NALF1: variants seen among roughly 807,000 people sequenced by gnomAD.
NALF1 encodes the protein NALCN channel auxiliary factor 1.
In NALF1, 3 loss-of-function variants were observed where a neutral mutation model predicts 48.4. The observed-to-expected ratio is 0.06, with a 90% CI of 0.03 to 0.16. The LOEUF (loss-of-function observed/expected upper bound fraction) is 0.16, where lower values mean the gene tolerates loss of function less well. NALF1 is among the 10% of genes least tolerant of loss of function. The pLI is 1.00. For missense variants in NALF1, 526 were observed against 571.5 expected, an observed-to-expected ratio of 0.92 and a Z score of 0.81; for synonymous variants, 262 against 245.7, an observed-to-expected ratio of 1.07 and a Z score of -0.62.
intron 1 of NALF1, among the ~76,000 whole-genome samples, chr13:107,695,871 T>C (rs766566437): frequency 1.7e-4 from 25 of 151,270 alleles, no homozygotes; most frequent in Non-Finnish European, 2.9e-4. Flanking sequence ...TAATGGAGAA[T>C]ATGAGTTATG....
chr13:107,298,599 T>G (rs1300367459), intron 1 of NALF1, among the ~76,000 whole-genome samples: 2 of 151,540 alleles, frequency 1.3e-5, no homozygotes, highest in Non-Finnish European at 2.9e-5. Flanking sequence ...ACCTGGCTAG[T>G]TTTTGTATTT....
At chr13:107,859,914 CAAAAAAAAAA>C (rs778833499) in intron 1 of NALF1, among the ~76,000 whole-genome samples, 3 of 66,494 alleles carry the variant, frequency 4.5e-5, no homozygotes, top group Admixed American at 1.8e-4. Flanking sequence ...AACTCCAACT[CAAAAAAAAAA>C]AAAAAAAAAA....
intron 1 of NALF1, among the ~76,000 whole-genome samples, chr13:107,784,538 A>C (rs1052402260): frequency 2.6e-5 from 4 of 152,154 alleles, no homozygotes; most frequent in Non-Finnish European, 5.9e-5. Flanking sequence ...TTGCTCCAGT[A>C]GGAAAAAAAC....
chr13:107,420,020 G>GT (rs1481458344), intron 1 of NALF1, among the ~76,000 whole-genome samples: 1 of 152,086 alleles, frequency 6.6e-6, no homozygotes. Context: ...GTGACTCTGG[G>GT]TTTAAACTCC....
rs180846266 is a variant in NALF1, at chr13:107,333,276, C to G, written c.916-122521G>C. Among the ~76,000 whole-genome samples the G allele has an allele frequency of 2.9e-4, 44 of 152,316 alleles. 2 individuals are homozygous for G. In the East Asian group the frequency reaches 8.3e-3, roughly 29 times the overall value. On this transcript the variant is annotated intron_variant, in intron 1 of 2. Transcript: ENST00000375915. ...AAATGAAGCTTCTCTAACATACACT[C>G]TGTAAGCCACATCACAGAATTCTTG... is the stretch of plus-strand genomic sequence containing the variant.
At chr13:107,354,859 A>C (rs2138948571) in intron 1 of NALF1, among the ~76,000 whole-genome samples, 1 of 152,248 alleles carries the variant, frequency 6.6e-6, no homozygotes, top group Non-Finnish European at 1.5e-5. Flanking sequence ...CTGCAATGGC[A>C]TGAGGTCCAG....
At chr13:107,786,937 G>A (rs1878092955) in intron 1 of NALF1, among the ~76,000 whole-genome samples, 1 of 152,156 alleles carries the variant, frequency 6.6e-6, no homozygotes, top group Non-Finnish European at 1.5e-5. Context: ...ATCTAGTGGG[G>A]ACAATGGACG....
intron 1 of NALF1, among the ~76,000 whole-genome samples, chr13:107,640,757 C>T (rs1156984980): frequency 6.6e-6 from 1 of 152,168 alleles, no homozygotes; most frequent in East Asian, 1.9e-4. Flanking sequence ...TTATATCACT[C>T]TGTGTGAGAC....
At chr13:107,835,266 CAGA>C (rs1166706323) in intron 1 of NALF1, 1 of 152,178 alleles carries the variant, frequency 6.6e-6, no homozygotes, top group African/African-American at 2.4e-5. Flanking sequence ...CCTTAGATAC[CAGA>C]AGATTAAAAA....
At chr13:107,326,099 T>A (rs9514659) in intron 1 of NALF1, among the ~76,000 whole-genome samples, 119,103 of 150,702 alleles carry the variant, frequency 0.79, 47,368 homozygotes, top group Non-Finnish European at 0.85. Context: ...ACAATTTTTT[T>A]AAAAAAATCT....
At chr13:107,674,564 C>T (rs1053511860) in intron 1 of NALF1, among the ~76,000 whole-genome samples, 1 of 152,148 alleles carries the variant, frequency 6.6e-6, no homozygotes, top group Admixed American at 6.5e-5. Context: ...TGAGTCCATT[C>T]TACTTGCCAT....
At chr13:107,438,991 A>C (rs1224211133) in intron 1 of NALF1, among the ~76,000 whole-genome samples, 2 of 152,122 alleles carry the variant, frequency 1.3e-5, no homozygotes, top group Admixed American at 6.6e-5. Flanking sequence ...ATTTGAATTC[A>C]GAAATGTCAT....
chr13:107,689,864 A>G, intron 1 of NALF1, among the ~76,000 whole-genome samples: 1 of 152,228 alleles, frequency 6.6e-6, no homozygotes, highest in East Asian at 1.9e-4. Flanking sequence ...ATCAAAAGTA[A>G]CATCTCATAA....
chr13:107,565,576 C>G (rs1371968800), intron 1 of NALF1, among the ~76,000 whole-genome samples: 3 of 152,010 alleles, frequency 2.0e-5, no homozygotes, highest in Non-Finnish European at 4.4e-5. Context: ...GTTGAATAAC[C>G]TCTTTTCTAG....
intron 1 of NALF1, among the ~76,000 whole-genome samples, chr13:107,812,133 T>A (rs1879014190): frequency 6.6e-6 from 1 of 152,080 alleles, no homozygotes. Flanking sequence ...CTTAGTGAAG[T>A]TCCATGAAAA....
chr13:107,311,621 A>G (rs1172272167), intron 1 of NALF1, among the ~76,000 whole-genome samples: 3 of 151,748 alleles, frequency 2.0e-5, no homozygotes, highest in African/African-American at 7.2e-5. Context: ...TTTCCCAAAA[A>G]CTATTCAGTA....
chr13:107,540,526 C>T (rs1160068168), intron 1 of NALF1, among the ~76,000 whole-genome samples: 1 of 151,996 alleles, frequency 6.6e-6, no homozygotes, highest in Non-Finnish European at 1.5e-5. Context: ...TCACTAGAGG[C>T]AGAAAATACA....
intron 1 of NALF1, among the ~76,000 whole-genome samples, chr13:107,571,117 G>A (rs999569543): frequency 6.6e-6 from 1 of 152,136 alleles, no homozygotes; most frequent in East Asian, 1.9e-4. Flanking sequence ...ATATATGTTT[G>A]GTTTCTGCCC....
intron 1 of NALF1, among the ~76,000 whole-genome samples, chr13:107,523,022 T>C (rs901099193): frequency 1.3e-5 from 2 of 152,190 alleles, no homozygotes; most frequent in African/African-American, 4.8e-5. Context: ...ATCATTGGTT[T>C]CTCATCTGAA....
Sources: allele counts gnomAD v4.1 joint callset (sites outside exome capture counted in the v4.1 genomes callset), GRCh38; gene constraint gnomAD v4.1.1; transcripts MANE v1.5; gene names NCBI Gene and HGNC (gene_info 2026-07-23, HGNC 2026-07-21).